CBFB: variants seen among roughly 807,000 people sequenced by gnomAD.
CBFB encodes CBF-beta.
Under a neutral mutation model 30.4 loss-of-function variants are expected in CBFB, and 9 were observed. The ratio of observed to expected loss-of-function variants is 0.30; its 90% CI spans 0.18 to 0.52. The LOEUF (loss-of-function observed/expected upper bound fraction) is 0.52. CBFB is among the 20% of genes least tolerant of loss of function. The pLI is 0.97. For synonymous variants in CBFB, 94 were observed against 84.0 expected (o/e 1.12, Z -0.65); for missense variants, 170 against 244.0 (o/e 0.70, Z 2.02).
At chr16:67,066,659 T>C (rs753764009) in intron 3 of CBFB, 23 bp from the exon 4 acceptor site, 5 of 1,278,740 alleles carry the variant, frequency 3.9e-6, no homozygotes, top group Non-Finnish European at 4.5e-6. Flanking sequence ...TTTCAATTAT[T>C]TTCATCCTTT....
intron 3 of CBFB, among the ~76,000 whole-genome samples, chr16:67,055,090 A>T (rs1259738096): frequency 6.6e-6 from 1 of 152,082 alleles, no homozygotes; most frequent in Non-Finnish European, 1.5e-5. Context: ...ATCACTTCAG[A>T]GGAAATGGCT....
chr16:67,094,763 G>A (rs1961992268), intron 5 of CBFB, among the ~76,000 whole-genome samples: 1 of 152,102 alleles, frequency 6.6e-6, no homozygotes, highest in Admixed American at 6.5e-5. Flanking sequence ...GATTGTGTAT[G>A]GAACATAAAT....
chr16:67,096,872 G>C (rs913103190), intron 5 of CBFB, among the ~76,000 whole-genome samples: 4 of 151,142 alleles, frequency 2.6e-5, no homozygotes, highest in Non-Finnish European at 5.9e-5. Context: ...TACTCGGGAG[G>C]CGGAGCTTGC....
chr16:67,081,515 A>C (rs1163785892), intron 4 of CBFB, among the ~76,000 whole-genome samples: 2 of 152,074 alleles, frequency 1.3e-5, no homozygotes, highest in African/African-American at 2.4e-5. Flanking sequence ...TGTCGGAATA[A>C]AAAAGGCTGG....
chr16:67,074,220 C>A (rs1303120872), intron 4 of CBFB, among the ~76,000 whole-genome samples: 2 of 143,322 alleles, frequency 1.4e-5, no homozygotes, highest in Non-Finnish European at 1.5e-5. Flanking sequence ...ACAAAGGTGA[C>A]ACTGCAGTGC....
intron 5 of CBFB, among the ~76,000 whole-genome samples, chr16:67,087,970 A>G (rs1417488650): frequency 6.6e-6 from 1 of 152,000 alleles, no homozygotes; most frequent in East Asian, 1.9e-4. Flanking sequence ...TATTTGGCTA[A>G]CAAGAACATC....
At chr16:67,074,241 G>T (rs911031312) in intron 4 of CBFB, among the ~76,000 whole-genome samples, 1 of 151,814 alleles carries the variant, frequency 6.6e-6, no homozygotes, top group Non-Finnish European at 1.5e-5. Context: ...AGACAAGGGT[G>T]GGGGGCAGGG....
chr16:67,062,294 G>C (rs1223324984), intron 3 of CBFB, among the ~76,000 whole-genome samples: 3 of 149,294 alleles, frequency 2.0e-5, no homozygotes, highest in Non-Finnish European at 3.0e-5. Context: ...TCAGCCTCCC[G>C]AGTAGCTGGG....
chr16:67,055,082 C>G (rs1960675351), intron 3 of CBFB, among the ~76,000 whole-genome samples: 1 of 152,044 alleles, frequency 6.6e-6, no homozygotes, highest in Admixed American at 6.6e-5. Flanking sequence ...TGCTTTACAT[C>G]ACTTCAGAGG....
chr16:67,079,559 T>A lies in CBFB; in HGVS notation c.400-2654T>A, dbSNP rs1327314401. On this transcript the variant is annotated intron_variant, in intron 4 of 5. Coordinates refer to ENST00000412916, the MANE Select transcript of CBFB (RefSeq NM_022845.3). ...TTTTTGACCCCAACGTGATATGAGG[T>A]CTTTTAATCTTGCTGCTGTACCATG... Among the ~76,000 whole-genome samples the A allele has an allele frequency of 4.7e-5, 6 of 128,414 alleles. No individual in the cohort carries two copies. The Admixed American group carries it at 5.6e-4, about 12-fold the overall frequency. 84.2% of individuals were successfully genotyped at this position (128,414 alleles called of 152,430 possible).
Position 67,069,755 on chromosome 16 carries a change from G to C in CBFB, c.399+2957G>C, listed in dbSNP as rs890605918. ...CTCACACGCGAAGGAACCACGGTAA[G>C]ATTAACAGCTGACTTCTCTTGAAAT... is the stretch of plus-strand genomic sequence containing the variant. On this transcript the variant is annotated intron_variant, in intron 4 of 5. Transcript: ENST00000412916. Among the ~76,000 whole-genome samples the C allele has an allele frequency of 2.0e-5, 3 of 152,224 alleles. No homozygotes were observed. In the East Asian group the frequency reaches 5.8e-4, roughly 29 times the overall value.
chr16:67,041,659 C>T (rs2145719857), intron 3 of CBFB, among the ~76,000 whole-genome samples: 1 of 151,574 alleles, frequency 6.6e-6, no homozygotes, highest in Non-Finnish European at 1.5e-5. Flanking sequence ...TATGGGGTTA[C>T]TGTCATCGGG....
At chr16:67,091,198 C>G (rs1271624264) in intron 5 of CBFB, among the ~76,000 whole-genome samples, 1 of 152,174 alleles carries the variant, frequency 6.6e-6, no homozygotes, top group Non-Finnish European at 1.5e-5. Flanking sequence ...GGAAGAGAGT[C>G]TTGGTTCTCT....
intron 2 of CBFB, among the ~76,000 whole-genome samples, chr16:67,035,410 A>G (rs1454738784): frequency 6.6e-6 from 1 of 152,172 alleles, no homozygotes; most frequent in Non-Finnish European, 1.5e-5. Context: ...ATGATGTTGT[A>G]ATATTGATGT....
rs1163773529 is a variant in CBFB, at chr16:67,055,357, CTTTTTTTTTTT to C, written c.283-11308_283-11298del. The stretch of plus-strand genomic sequence containing the variant: ...AAATCTATTGAATTCCAGACACTTT[CTTTTTTTTTTT>C]TTTTTTTTTTTTTTTTGAGACGGAG... On this transcript the variant is annotated intron_variant, in intron 3 of 5. Transcript: ENST00000412916. 7.4e-5 allele frequency among the ~76,000 whole-genome samples: 6 copies of C among 81,474 alleles called. No homozygotes were observed. In the South Asian group the frequency reaches 1.7e-3, roughly 24 times the overall value. 53.5% of individuals were successfully genotyped at this position (81,474 alleles called of 152,430 possible).
At chr16:67,050,124 T>G (rs560346357) in intron 3 of CBFB, among the ~76,000 whole-genome samples, 1 of 149,736 alleles carries the variant, frequency 6.7e-6, no homozygotes. Context: ...GTTATTTTGG[T>G]CCACCAAGTT....
intron 4 of CBFB, among the ~76,000 whole-genome samples, chr16:67,078,501 A>G (rs1779692768): frequency 6.6e-6 from 1 of 152,110 alleles, no homozygotes; most frequent in Non-Finnish European, 1.5e-5. Flanking sequence ...AGCTATAATC[A>G]CACCACTGCA....
At chr16:67,063,109 T>A (rs577561053) in intron 3 of CBFB, among the ~76,000 whole-genome samples, 1 of 152,214 alleles carries the variant, frequency 6.6e-6, no homozygotes, top group Admixed American at 6.5e-5. Context: ...TAAGGGGTAT[T>A]GTTTTTAGGT....
intron 5 of CBFB, among the ~76,000 whole-genome samples, chr16:67,083,076 G>A (rs1253514374): frequency 6.6e-6 from 1 of 152,120 alleles, no homozygotes; most frequent in Non-Finnish European, 1.5e-5. Flanking sequence ...TCACTTGGTA[G>A]GCCAAGGTAG....
Sources: allele counts gnomAD v4.1 joint callset (sites outside exome capture counted in the v4.1 genomes callset), GRCh38; gene constraint gnomAD v4.1.1; transcripts MANE v1.5; gene names NCBI Gene and HGNC (gene_info 2026-07-23, HGNC 2026-07-21).